The following PLCXD3 variants were observed in gnomAD, a reference collection of about 807,000 sequenced individuals.
PLCXD3 encodes the protein PI-PLC X domain-containing protein 3.
In PLCXD3, 19 loss-of-function variants were observed where a neutral mutation model predicts 25.5. The observed-to-expected ratio is 0.75, with a 90% confidence interval of 0.52 to 1.09. PLCXD3 has a LOEUF of 1.09. Among genes scored for constraint, PLCXD3 ranks in the 50% least tolerant of loss-of-function variants. PLCXD3 has a pLI of 0.00. For synonymous variants in PLCXD3, 174 were observed against 137.6 expected (o/e 1.26, Z -1.85); for missense variants, 411 against 388.1 (o/e 1.06, Z -0.50).
chr5:41,362,614 C>T (rs1287812340), intron 2 of PLCXD3, among the ~76,000 whole-genome samples: 2 of 152,084 alleles, frequency 1.3e-5, no homozygotes, highest in Non-Finnish European at 1.5e-5. Flanking sequence ...ACAAACTTCA[C>T]CTTAGGTTTG....
At chr5:41,465,953 A>G (rs983970446) in intron 1 of PLCXD3, among the ~76,000 whole-genome samples, 1 of 152,108 alleles carries the variant, frequency 6.6e-6, no homozygotes, top group African/African-American at 2.4e-5. Flanking sequence ...AGCTAAGAAA[A>G]GAAACTATCT....
intron 1 of PLCXD3, among the ~76,000 whole-genome samples, chr5:41,489,293 C>A (rs1748595884): frequency 6.6e-6 from 1 of 152,118 alleles, no homozygotes; most frequent in Admixed American, 6.6e-5. Flanking sequence ...ATCTATATCT[C>A]TGTTTTGGTA....
chr5:41,313,524 C>T lies in PLCXD3; in HGVS notation c.*93G>A. 1 of 1,470,294 alleles carries T rather than the reference C, an allele frequency of 6.8e-7. No homozygotes were observed. Among genetic ancestry groups the T allele is most frequent in the Non-Finnish European group, 9.4e-7 (1 of 1,058,348 alleles). The allele number at this position is 1,470,294 out of a possible 1,614,324, so 91.1% of individuals were successfully genotyped here. The stretch of plus-strand genomic sequence containing the variant: ...ACCAGCCCTATTCCCTTCAGAGACT[C>T]AGTGGAATAGGAAGATCAGAGTGTT... On this transcript the variant is annotated 3_prime_UTR_variant, in exon 3 of 3. Coordinates refer to ENST00000377801, the MANE Select transcript of PLCXD3 (RefSeq NM_001005473.3).
intron 1 of PLCXD3, among the ~76,000 whole-genome samples, chr5:41,393,281 A>G (rs998642205): frequency 6.6e-6 from 1 of 152,212 alleles, no homozygotes; most frequent in Non-Finnish European, 1.5e-5. Flanking sequence ...ATCAGTTTCC[A>G]AAGCTCATGG....
intron 1 of PLCXD3, among the ~76,000 whole-genome samples, chr5:41,403,410 T>TGTTTGTTTTG (rs1345288584): frequency 7.2e-5 from 3 of 41,948 alleles, no homozygotes; most frequent in Admixed American, 2.2e-4. Flanking sequence ...TGTTTTTTTT[T>TGTTTGTTTTG]TTTTTTATTA....
chr5:41,496,391 T>G (rs1748837238), intron 1 of PLCXD3, among the ~76,000 whole-genome samples: 1 of 151,518 alleles, frequency 6.6e-6, no homozygotes, highest in Non-Finnish European at 1.5e-5. Context: ...CTCAAATAAG[T>G]CAATACCAAG....
chr5:41,404,381 G>A (rs1274496336), intron 1 of PLCXD3, among the ~76,000 whole-genome samples: 2 of 151,726 alleles, frequency 1.3e-5, no homozygotes, highest in Admixed American at 6.6e-5. Flanking sequence ...GTATAACTCG[G>A]CACAAACATC....
intron 1 of PLCXD3, among the ~76,000 whole-genome samples, chr5:41,465,353 CT>C (rs58098437): frequency 0.012 from 153 of 13,244 alleles, 7 homozygotes; most frequent in African/African-American, 0.035. Flanking sequence ...TAGTTCTTGT[CT>C]TTTTTTTTTT....
At chr5:41,371,083 C>A (rs1216632718) in intron 2 of PLCXD3, among the ~76,000 whole-genome samples, 4 of 152,082 alleles carry the variant, frequency 2.6e-5, no homozygotes, top group Non-Finnish European at 5.9e-5. Flanking sequence ...AGTAGCCAAT[C>A]CCTCAGCTAG....
At chr5:41,445,733 C>A (rs1401449620) in intron 1 of PLCXD3, among the ~76,000 whole-genome samples, 1 of 152,058 alleles carries the variant, frequency 6.6e-6, no homozygotes, top group Non-Finnish European at 1.5e-5. Context: ...GTTACATTTG[C>A]CTATTTTTGC....
intron 1 of PLCXD3, among the ~76,000 whole-genome samples, chr5:41,438,158 C>T (rs991053790): frequency 2.6e-5 from 4 of 152,118 alleles, no homozygotes; most frequent in African/African-American, 9.7e-5. Flanking sequence ...GAAAAACTGC[C>T]ACCAACTTAG....
rs369170921 is a variant in PLCXD3 at position 41,463,051 on chromosome 5, GA to G, written c.103+47372del. Among the ~76,000 whole-genome samples the G allele has an allele frequency of 3.7e-3, 561 of 152,122 alleles. 7 individuals are homozygous for G. Among genetic ancestry groups the G allele is most frequent in the African/African-American group, 0.013 (538 of 41,520 alleles). On this transcript the variant is annotated intron_variant, in intron 1 of 2. Coordinates refer to ENST00000377801, the MANE Select transcript of PLCXD3 (RefSeq NM_001005473.3). ...GACTGATTTGAGTAGGAAAATGAAT[GA>G]AAAGTAAGAAACTAGAAATAGCATT...
intron 1 of PLCXD3, among the ~76,000 whole-genome samples, chr5:41,405,792 TG>T (rs1163812101): frequency 1.3e-5 from 2 of 152,080 alleles, no homozygotes; most frequent in South Asian, 2.1e-4. Context: ...TGTTTTGTTT[TG>T]TTTACCATTT....
intron 2 of PLCXD3, among the ~76,000 whole-genome samples, chr5:41,332,872 C>A (rs1743868294): frequency 1.3e-5 from 2 of 152,128 alleles, no homozygotes; most frequent in Admixed American, 1.3e-4. Flanking sequence ...CATATTCTCA[C>A]TCATAGGTGG....
chr5:41,495,574 T>C (rs576844646), intron 1 of PLCXD3, among the ~76,000 whole-genome samples: 1 of 152,358 alleles, frequency 6.6e-6, no homozygotes, highest in South Asian at 2.1e-4. Context: ...GCAGGTGGTG[T>C]GCTGCTTCTT....
In PLCXD3 at chr5:41,315,812, C is replaced by T. The variant is rs182101096; in HGVS notation, c.813-2042G>A. Among the ~76,000 whole-genome samples, 23 of 152,196 alleles carry T rather than the reference C, an allele frequency of 1.5e-4. 1 individual carries two copies. In the East Asian group the frequency reaches 3.7e-3, roughly 24 times the overall value. Reference sequence around the variant, plus strand: ...GTCCTGCTAGAGCAGAAATGAAAACCGGACCTAACTCAGCGGACGCCCAGT... The same window carrying T: ...GTCCTGCTAGAGCAGAAATGAAAACTGGACCTAACTCAGCGGACGCCCAGT... On this transcript the variant is annotated intron_variant, in intron 2 of 2. Transcript: ENST00000377801.
intron 1 of PLCXD3, among the ~76,000 whole-genome samples, chr5:41,413,786 A>C (rs1488918707): frequency 6.6e-6 from 1 of 152,168 alleles, no homozygotes. Context: ...AAAATCACCT[A>C]TATTCTGCAC....
At chr5:41,434,841 G>T (rs913535963) in intron 1 of PLCXD3, among the ~76,000 whole-genome samples, 2 of 152,138 alleles carry the variant, frequency 1.3e-5, no homozygotes, top group Admixed American at 1.3e-4. Context: ...CTATGCTTGT[G>T]CCTGGAGCTG....
intron 2 of PLCXD3, among the ~76,000 whole-genome samples, chr5:41,367,605 C>T (rs1250925074): frequency 6.6e-6 from 1 of 152,026 alleles, no homozygotes; most frequent in Non-Finnish European, 1.5e-5. Flanking sequence ...GTTTACTCTG[C>T]TGATAGTTTC....
Sources: gnomAD v4.1 joint callset for allele counts (sites outside exome capture counted in the v4.1 genomes callset) on GRCh38, gnomAD v4.1.1 for gene constraint, MANE v1.5 for transcripts, NCBI Gene and HGNC (gene_info 2026-07-23, HGNC 2026-07-21) for gene names.